SLC4A7: variants seen among roughly 807,000 people sequenced by gnomAD.
SLC4A7 encodes solute carrier family 4 member 7.
In SLC4A7, 51 loss-of-function variants were observed where a neutral mutation model predicts 137.6. That is an observed-to-expected ratio of 0.37 (90% CI 0.30 to 0.47). The LOEUF is 0.47. SLC4A7 is among the 20% of genes least tolerant of loss of function. The pLI is 1.00. For missense variants in SLC4A7, 1,247 were observed against 1,525.4 expected, an observed-to-expected ratio of 0.82 and a Z score of 3.04; for synonymous variants, 542 against 518.6, an observed-to-expected ratio of 1.05 and a Z score of -0.61.
intron 22 of SLC4A7, among the ~76,000 whole-genome samples, 174 bp from the exon 23 acceptor site, chr3:27,386,197 G>A (rs1261344152): frequency 1.1e-5 from 1 of 92,314 alleles, no homozygotes; most frequent in African/African-American, 5.9e-5. Flanking sequence ...TTTTTACTTT[G>A]TGCTAAAAAA....
At chr3:27,457,748 A>C (rs1004812023) in intron 1 of SLC4A7, among the ~76,000 whole-genome samples, 1 of 152,060 alleles carries the variant, frequency 6.6e-6, no homozygotes, top group Admixed American at 6.6e-5. Flanking sequence ...AATATCAAAA[A>C]TTTTTTTAAA....
chr3:27,384,780 T>C (rs2050768526), intron 23 of SLC4A7, among the ~76,000 whole-genome samples: 1 of 151,978 alleles, frequency 6.6e-6, no homozygotes, highest in Admixed American at 6.6e-5. Flanking sequence ...CTGGCCAACA[T>C]GGTGGAACCC....
chr3:27,424,200 G>C, intron 7 of SLC4A7, 48 bp from the exon 8 acceptor site: 1 of 912,390 alleles, frequency 1.1e-6, no homozygotes, highest in Non-Finnish European at 1.8e-6. Flanking sequence ...AATTCACTTT[G>C]CAACCTGATT....
chr3:27,453,398 T>C (rs1181415576), intron 1 of SLC4A7, among the ~76,000 whole-genome samples: 3 of 152,212 alleles, frequency 2.0e-5, no homozygotes, highest in Non-Finnish European at 4.4e-5. Context: ...GCAGATCACC[T>C]GAGGTCGGAG....
chr3:27,439,427 A>G (rs1446441209), intron 3 of SLC4A7, among the ~76,000 whole-genome samples: 1 of 152,194 alleles, frequency 6.6e-6, no homozygotes, highest in Admixed American at 6.5e-5. Flanking sequence ...TTGTGATTGA[A>G]CTTCCTACTG....
intron 15 of SLC4A7, chr3:27,401,131 A>T (rs534804637): frequency 1.5e-5 from 4 of 273,102 alleles, no homozygotes; most frequent in African/African-American, 6.7e-5. Flanking sequence ...TATTTTACTT[A>T]AAAATCTAAG....
chr3:27,428,755 T>C (rs2055927236), intron 7 of SLC4A7, among the ~76,000 whole-genome samples: 1 of 152,294 alleles, frequency 6.6e-6, no homozygotes, highest in Admixed American at 6.5e-5. Context: ...AGCTACCCAC[T>C]GAAGTGCTGG....
chr3:27,443,112 A>G (rs66801263), intron 3 of SLC4A7, among the ~76,000 whole-genome samples: 31,854 of 142,686 alleles, frequency 0.22, 3,510 homozygotes, highest in Non-Finnish European at 0.26. Flanking sequence ...GCTCACTGCA[A>G]CCTCTGCCTC....
At chr3:27,422,458 T>TG (rs1317914062) in intron 8 of SLC4A7, among the ~76,000 whole-genome samples, 1 of 151,916 alleles carries the variant, frequency 6.6e-6, no homozygotes, top group African/African-American at 2.4e-5. Flanking sequence ...TTTGTAGAGG[T>TG]GGGGGGCTTG....
At chr3:27,449,236 C>T (rs2057898197) in intron 2 of SLC4A7, among the ~76,000 whole-genome samples, 1 of 151,810 alleles carries the variant, frequency 6.6e-6, no homozygotes, top group Admixed American at 6.6e-5. Context: ...CTTAGCCCAT[C>T]TGAGATCATA....
chr3:27,381,634 T>C (rs1296715569), intron 24 of SLC4A7, among the ~76,000 whole-genome samples: 1 of 151,802 alleles, frequency 6.6e-6, no homozygotes, highest in African/African-American at 2.4e-5. Flanking sequence ...ACAAGTCAAA[T>C]GTTACTCCTG....
At chr3:27,391,437 T>C (rs1251985995) in intron 21 of SLC4A7, among the ~76,000 whole-genome samples, 1 of 152,222 alleles carries the variant, frequency 6.6e-6, no homozygotes, top group Non-Finnish European at 1.5e-5. Context: ...CAAAACTTTT[T>C]TTCAATACAA....
At chr3:27,439,861 T>C (rs965068457) in intron 3 of SLC4A7, among the ~76,000 whole-genome samples, 1 of 152,212 alleles carries the variant, frequency 6.6e-6, no homozygotes, top group African/African-American at 2.4e-5. Flanking sequence ...GTGGTTTTCT[T>C]GGTTTTTGTA....
intron 1 of SLC4A7, among the ~76,000 whole-genome samples, chr3:27,455,912 C>T (rs1156927140): frequency 2.0e-5 from 3 of 152,052 alleles, no homozygotes; most frequent in Non-Finnish European, 4.4e-5. Context: ...CCAGCATCAA[C>T]ACATTACAAA....
Position 27,376,846 on chromosome 3 carries a change from C to T in SLC4A7, c.3699-1G>A. ...TTTCACACTCACAGGTTTATCAGGA[C>T]TATTTAAAACAAAGAATTAAAATAA... On this transcript the variant is annotated splice_acceptor_variant, in intron 25 of 25. Transcript: ENST00000454389. LOFTEE classifies it high-confidence loss of function. The T allele has an allele frequency of 1.4e-6, 2 of 1,457,754 alleles. No homozygotes were observed. Among genetic ancestry groups the T allele is most frequent in the East Asian group, 2.4e-5 (1 of 42,464 alleles). 90.3% of individuals were successfully genotyped at this position (1,457,754 alleles called of 1,614,324 possible).
At chr3:27,403,573 TTAG>T (rs144451251) in intron 14 of SLC4A7, among the ~76,000 whole-genome samples, 189 bp from the exon 15 acceptor site, 22,370 of 151,882 alleles carry the variant, frequency 0.15, 1,867 homozygotes, top group South Asian at 0.27. Context: ...GACTAGCTTA[TTAG>T]TAGATTTATT....
At chr3:27,445,321 C>T (rs2057504170) in intron 3 of SLC4A7, among the ~76,000 whole-genome samples, 1 of 152,096 alleles carries the variant, frequency 6.6e-6, no homozygotes, top group Admixed American at 6.6e-5. Context: ...TCTTTGACCT[C>T]CCCAAATTCC....
At chr3:27,455,432 G>A (rs759786253) in intron 1 of SLC4A7, among the ~76,000 whole-genome samples, 1 of 152,182 alleles carries the variant, frequency 6.6e-6, no homozygotes, top group African/African-American at 2.4e-5. Context: ...AAGGCTTGAT[G>A]GGATACACAC....
intron 21 of SLC4A7, 53 bp downstream of exon 21, chr3:27,391,687 A>C: frequency 9.9e-7 from 1 of 1,010,994 alleles, no homozygotes; most frequent in Non-Finnish European, 1.5e-6. Flanking sequence ...CAATCTTTGC[A>C]TACTTAAAAT....
Sources: gnomAD v4.1 joint callset for allele counts (sites outside exome capture counted in the v4.1 genomes callset) on GRCh38, gnomAD v4.1.1 for gene constraint, MANE v1.5 for transcripts, NCBI Gene and HGNC (gene_info 2026-07-23, HGNC 2026-07-21) for gene names.